Variants in SEMA3D observed in about 807,000 individuals in gnomAD.
The protein encoded by SEMA3D is semaphorin 3D.
Under a neutral mutation model 100.1 loss-of-function variants are expected in SEMA3D, and 84 were observed. The observed-to-expected ratio is 0.84, with a 90% confidence interval of 0.70 to 1.01. SEMA3D has a LOEUF of 1.01. Ranked by LOEUF, SEMA3D falls within the 50% of genes least tolerant of loss-of-function variation. The pLI, the probability that SEMA3D is intolerant of heterozygous loss-of-function variation, is 0.00. For synonymous variants in SEMA3D, 312 were observed against 320.7 expected, an observed-to-expected ratio of 0.97 and a Z score of 0.29; for missense variants, 875 against 934.1, an observed-to-expected ratio of 0.94 and a Z score of 0.82.
chr7:85,030,698 T>C (rs956410130), intron 12 of SEMA3D, among the ~76,000 whole-genome samples: 26 of 152,006 alleles, frequency 1.7e-4, no homozygotes, highest in African/African-American at 5.8e-4. Context: ...ATCTTAAAAA[T>C]CCCTTGGCTA....
intron 2 of SEMA3D, among the ~76,000 whole-genome samples, chr7:85,149,050 G>A (rs1347319499): frequency 1.3e-5 from 2 of 151,818 alleles, no homozygotes; most frequent in Admixed American, 6.6e-5. Flanking sequence ...ACAATAAAAG[G>A]TATTAACAGG....
intron 12 of SEMA3D, among the ~76,000 whole-genome samples, chr7:85,036,141 C>A (rs1474129067): frequency 6.6e-6 from 1 of 151,742 alleles, no homozygotes; most frequent in Non-Finnish European, 1.5e-5. Flanking sequence ...AAATTTTTTT[C>A]CTCTTTAATA....
chr7:85,235,707 A>T, the SEMA3D span, among the ~76,000 whole-genome samples: 1 of 152,218 alleles, frequency 6.6e-6, no homozygotes, highest in Non-Finnish European at 1.5e-5. Context: ...GCATAAGTGA[A>T]GGAATTATCC....
chr7:85,125,990 C>G (rs771603622), intron 2 of SEMA3D, among the ~76,000 whole-genome samples: 1 of 152,010 alleles, frequency 6.6e-6, no homozygotes, highest in South Asian at 2.1e-4. Flanking sequence ...CTGATAGAAA[C>G]AGCACTCTTG....
rs141873635 is a variant in SEMA3D at position 85,028,281 on chromosome 7, C to G, written c.1192-5668G>C. Reference sequence around the variant, plus strand: ...TCACAGTGCCAGCTTACTTGAATGACTCTCAGCATCAGGGCTATCAAAGAT... The same window carrying G: ...TCACAGTGCCAGCTTACTTGAATGAGTCTCAGCATCAGGGCTATCAAAGAT... On this transcript the variant is annotated intron_variant, in intron 12 of 18. Coordinates refer to ENST00000284136, the MANE Select transcript of SEMA3D (RefSeq NM_001384900.1). 1.1e-5 allele frequency: 8 copies of G among 701,548 alleles called. No individual in the cohort carries two copies. The East Asian group carries it at 2.1e-4, about 18-fold the overall frequency. 43.5% of individuals were successfully genotyped at this position (701,548 alleles called of 1,614,324 possible).
Position 85,036,856 on chromosome 7 carries a change from G to A in SEMA3D, c.1191+33C>T, listed in dbSNP as rs1224640061. 1.9e-6 allele frequency: 3 copies of A among 1,548,676 alleles called. No homozygotes were observed. The Admixed American group carries it at 5.5e-5, about 28-fold the overall frequency. On this transcript the variant is annotated intron_variant, in intron 12 of 18. Coordinates refer to ENST00000284136, the MANE Select transcript of SEMA3D (RefSeq NM_001384900.1). ...AATTAAGAATTAAATATGAGCTTAA[G>A]AAAATAATTTGATTATTAAGTTGGA...
the SEMA3D span, among the ~76,000 whole-genome samples, chr7:85,248,850 G>T: frequency 6.6e-6 from 1 of 152,134 alleles, no homozygotes; most frequent in Non-Finnish European, 1.5e-5. Context: ...AATAGGCAGG[G>T]CATAGATGAT....
intron 1 of SEMA3D, among the ~76,000 whole-genome samples, chr7:85,168,054 G>T (rs934211074): frequency 1.3e-5 from 2 of 151,832 alleles, no homozygotes; most frequent in Non-Finnish European, 2.9e-5. Context: ...TTGGACTGGG[G>T]TGTATATAAT....
At chr7:85,141,457 G>C (rs568921036) in intron 2 of SEMA3D, 1 of 984,716 alleles carries the variant, frequency 1.0e-6, no homozygotes, top group Non-Finnish European at 1.2e-6. Flanking sequence ...TTGGTGTCTT[G>C]ATCTTTCTCC....
At chr7:85,048,712 G>T (rs773613686) in intron 9 of SEMA3D, among the ~76,000 whole-genome samples, 31 of 151,592 alleles carry the variant, frequency 2.0e-4, no homozygotes, top group Admixed American at 6.6e-5. Context: ...TTTTAAAAAA[G>T]GATCTGACCA....
the SEMA3D span, among the ~76,000 whole-genome samples, chr7:85,216,545 CT>C: frequency 2.0e-5 from 3 of 150,384 alleles, no homozygotes; most frequent in Admixed American, 1.3e-4. Flanking sequence ...ATTAAACTGG[CT>C]TTTTTTTTAA....
In SEMA3D at chr7:85,080,365, C is replaced by T. The variant is rs181124649; in HGVS notation, c.375+1152G>A. 2.2e-4 allele frequency among the ~76,000 whole-genome samples: 33 copies of T among 152,196 alleles called. No individual in the cohort carries two copies. The East Asian group carries it at 3.7e-3, about 17-fold the overall frequency. On this transcript the variant is annotated intron_variant, in intron 5 of 18. Coordinates refer to ENST00000284136, the MANE Select transcript of SEMA3D (RefSeq NM_001384900.1). Reference sequence around the variant, plus strand: ...TGTCTGAGATTATTAGCCTTCTGAGCGTCCCCTCACAACCTTAGGCATTAT... The same window carrying T: ...TGTCTGAGATTATTAGCCTTCTGAGTGTCCCCTCACAACCTTAGGCATTAT...
intron 9 of SEMA3D, among the ~76,000 whole-genome samples, chr7:85,049,313 C>T (rs1331930161): frequency 6.6e-6 from 1 of 151,244 alleles, no homozygotes. Context: ...TGTGATTTGC[C>T]GTTAATGACT....
chr7:85,104,337 A>G (rs1788841132), intron 3 of SEMA3D, among the ~76,000 whole-genome samples: 1 of 152,104 alleles, frequency 6.6e-6, no homozygotes, highest in African/African-American at 2.4e-5. Flanking sequence ...ACCATTAAGT[A>G]TCTCTAATAG....
chr7:85,044,787 T>C (rs1000528111), intron 9 of SEMA3D, among the ~76,000 whole-genome samples: 1 of 152,094 alleles, frequency 6.6e-6, no homozygotes, highest in Non-Finnish European at 1.5e-5. Flanking sequence ...ATGATTAGCA[T>C]ATTGTCACTG....
the SEMA3D span, among the ~76,000 whole-genome samples, chr7:85,249,635 AT>A: frequency 9.2e-4 from 140 of 152,328 alleles, no homozygotes; most frequent in African/African-American, 3.2e-3. Context: ...CCAATTTTCC[AT>A]TTAAAATAAA....
chr7:85,094,995 T>A (rs904497079), intron 4 of SEMA3D, among the ~76,000 whole-genome samples: 3 of 151,530 alleles, frequency 2.0e-5, no homozygotes, highest in Non-Finnish European at 2.9e-5. Context: ...CCAGAGAATT[T>A]AAAAAACAAA....
intron 18 of SEMA3D, among the ~76,000 whole-genome samples, chr7:85,002,453 CT>C (rs1789679837): frequency 6.6e-6 from 1 of 152,128 alleles, no homozygotes; most frequent in Admixed American, 6.5e-5. Flanking sequence ...AGATAAAAAT[CT>C]GTGACCCAGA....
the SEMA3D span, among the ~76,000 whole-genome samples, chr7:85,199,205 A>G: frequency 1.3e-5 from 2 of 152,090 alleles, no homozygotes; most frequent in Non-Finnish European, 2.9e-5. Context: ...AGGGCCAAAT[A>G]TATGTTTAAT....
Sources: allele counts gnomAD v4.1 joint callset (sites outside exome capture counted in the v4.1 genomes callset), GRCh38; gene constraint gnomAD v4.1.1; transcripts MANE v1.5; gene names NCBI Gene and HGNC (gene_info 2026-07-23, HGNC 2026-07-21).